The following UACA variants were observed in gnomAD, a reference collection of about 807,000 sequenced individuals.
UACA encodes uveal autoantigen with coiled-coil domains and ankyrin repeats, also known as nuclear membrane binding protein.
In UACA, 112 loss-of-function variants were observed where a neutral mutation model predicts 160.5. That is an observed-to-expected ratio of 0.70 (90% CI 0.60 to 0.82). UACA has a LOEUF of 0.82. UACA is among the 40% of genes least tolerant of loss of function. UACA has a pLI of 0.00. For synonymous variants in UACA, 557 were observed against 568.4 expected (o/e 0.98, Z 0.29); for missense variants, 1,574 against 1,614.6 (o/e 0.97, Z 0.43).
upstream of UACA, among the ~76,000 whole-genome samples, chr15:70,766,173 A>C (rs1039482671): frequency 6.6e-6 from 1 of 152,220 alleles, no homozygotes; most frequent in African/African-American, 2.4e-5. Flanking sequence ...TTGATAGCTG[A>C]TGTCTGCTTA....
intron 1 of UACA, among the ~76,000 whole-genome samples, chr15:70,762,127 T>C (rs761807625): frequency 6.6e-6 from 1 of 152,162 alleles, no homozygotes; most frequent in Non-Finnish European, 1.5e-5. Context: ...TCAAAGAACA[T>C]CAATTACGTC....
At chr15:70,718,251 G>C (rs902838484) in intron 1 of UACA, among the ~76,000 whole-genome samples, 27 of 148,520 alleles carry the variant, frequency 1.8e-4, no homozygotes, top group African/African-American at 9.9e-5. Context: ...ACAGAGGAAC[G>C]GGGGGGAGGG....
intron 1 of UACA, among the ~76,000 whole-genome samples, chr15:70,727,683 A>G (rs971861894): frequency 2.0e-5 from 3 of 152,226 alleles, no homozygotes; most frequent in African/African-American, 7.2e-5. Context: ...GTTCTCAAAA[A>G]CTAAAAACAC....
intron 17 of UACA, chr15:70,661,787 C>A (rs1486717930): frequency 6.6e-6 from 1 of 151,956 alleles, no homozygotes; most frequent in Non-Finnish European, 1.5e-5. Context: ...ATAGAAGACC[C>A]CATCTTTTGA....
chr15:70,690,856 T>C (rs1426866656), intron 4 of UACA, among the ~76,000 whole-genome samples: 1 of 152,132 alleles, frequency 6.6e-6, no homozygotes, highest in Non-Finnish European at 1.5e-5. Context: ...ACTTAGTGAA[T>C]ATGTTTATAA....
At chr15:70,657,734 C>T (rs1298395046) in intron 18 of UACA, among the ~76,000 whole-genome samples, 1 of 152,036 alleles carries the variant, frequency 6.6e-6, no homozygotes, top group Non-Finnish European at 1.5e-5. Flanking sequence ...ACAAAGTAAA[C>T]TACAAGGAAA....
chr15:70,694,344 T>C (rs914515117), intron 3 of UACA, among the ~76,000 whole-genome samples: 3 of 152,144 alleles, frequency 2.0e-5, no homozygotes, highest in African/African-American at 7.2e-5. Context: ...CAGACAAAGG[T>C]ACAAATAAGT....
At chr15:70,702,583 C>T (rs1298306184) in intron 1 of UACA, among the ~76,000 whole-genome samples, 1 of 152,118 alleles carries the variant, frequency 6.6e-6, no homozygotes, top group Admixed American at 6.5e-5. Flanking sequence ...TTCCACAGAA[C>T]AATATTTAAA....
At chr15:70,700,318 T>TATATATATATACACAC (rs565377949) in intron 1 of UACA, among the ~76,000 whole-genome samples, 1 of 139,762 alleles carries the variant, frequency 7.2e-6, no homozygotes, top group African/African-American at 2.9e-5. Flanking sequence ...TATATATATA[T>TATATATATATACACAC]ACACACACAC....
chr15:70,690,322 G>T lies in UACA; in HGVS notation c.424+132C>A, dbSNP rs1897885721. On this transcript the variant is annotated intron_variant, in intron 5 of 18. Coordinates refer to ENST00000322954, the MANE Select transcript of UACA (RefSeq NM_018003.4). The stretch of plus-strand genomic sequence containing the variant: ...GTATAATCTAATAAATCTCTAATTT[G>T]TGCAAACAGGTTTTTAATATTCTTT... 3.6e-6 allele frequency: 3 copies of T among 835,624 alleles called. No individual in the cohort carries two copies. The South Asian group carries it at 5.0e-5, about 14-fold the overall frequency. The allele number at this position is 835,624 out of a possible 1,614,324, so 51.8% of individuals were successfully genotyped here. A position where few individuals can be genotyped will look rare whatever the true frequency, so the allele number is the denominator to read the frequency against.
chr15:70,695,148 A>G, intron 2 of UACA, 43 bp from the exon 3 acceptor site: 1 of 1,442,438 alleles, frequency 6.9e-7, no homozygotes, highest in Middle Eastern at 1.8e-4. Context: ...GAAACAACCA[A>G]AGGTCACCTT....
chr15:70,656,821 C>T lies in UACA; in HGVS notation c.*235G>A, dbSNP rs1461385830. ...TTAAAAATATGTAGTCAATCCAGGG[C>T]AAAGTTATGTTGTTTGCCTATTTGT... On this transcript the variant is annotated 3_prime_UTR_variant, in exon 19 of 19. Transcript: ENST00000322954. The T allele has an allele frequency of 1.0e-5, 4 of 394,938 alleles. No individual in the cohort carries two copies. Among genetic ancestry groups the T allele is most frequent in the East Asian group, 3.9e-5 (1 of 25,484 alleles). The allele number at this position is 394,938 out of a possible 1,614,324, so 24.5% of individuals were successfully genotyped here.
At chr15:70,742,518 A>C (rs1222079005) in intron 1 of UACA, among the ~76,000 whole-genome samples, 1 of 152,252 alleles carries the variant, frequency 6.6e-6, no homozygotes, top group Non-Finnish European at 1.5e-5. Context: ...GCATGTTCCC[A>C]GTAATAAATT....
intron 1 of UACA, among the ~76,000 whole-genome samples, chr15:70,753,724 T>C (rs2030231334): frequency 6.6e-6 from 1 of 152,238 alleles, no homozygotes; most frequent in African/African-American, 2.4e-5. Flanking sequence ...AAGCAGTTTC[T>C]TTCTAAGTAA....
chr15:70,758,907 G>A (rs1395295810), intron 1 of UACA: 1 of 152,064 alleles, frequency 6.6e-6, no homozygotes, highest in Non-Finnish European at 1.5e-5. Flanking sequence ...TTTGTTTTTG[G>A]AGACAGGGTT....
At chr15:70,679,875 A>T (rs1897433384) in intron 9 of UACA, 199 bp from the exon 10 acceptor site, 1 of 315,938 alleles carries the variant, frequency 3.2e-6, no homozygotes. Context: ...TAAATCAAGT[A>T]TAACTTATTT....
chr15:70,722,081 C>T (rs1406173474), intron 1 of UACA, among the ~76,000 whole-genome samples: 2 of 152,136 alleles, frequency 1.3e-5, no homozygotes, highest in South Asian at 2.1e-4. Flanking sequence ...ATGGCCTTTT[C>T]GATATGAAAA....
upstream of UACA, chr15:70,768,492 C>G (rs1311047986): frequency 6.6e-6 from 1 of 152,208 alleles, no homozygotes; most frequent in African/African-American, 2.4e-5. Context: ...TCAGGTTTAA[C>G]ATCAAGTCTT....
At chr15:70,714,451 C>T (rs572335503) in intron 1 of UACA, among the ~76,000 whole-genome samples, 1 of 152,194 alleles carries the variant, frequency 6.6e-6, no homozygotes, top group African/African-American at 2.4e-5. Context: ...GTTATCCTTC[C>T]ACTGTATGAT....
Sources: allele counts gnomAD v4.1 joint callset (sites outside exome capture counted in the v4.1 genomes callset), GRCh38; gene constraint gnomAD v4.1.1; transcripts MANE v1.5; gene names NCBI Gene and HGNC (gene_info 2026-07-23, HGNC 2026-07-21).